ATP2B4: variants seen among roughly 807,000 people sequenced by gnomAD.
ATP2B4 encodes plasma membrane calcium-transporting ATPase 4.
A neutral mutation model predicts 110.3 loss-of-function variants in ATP2B4; 39 were observed. The ratio of observed to expected loss-of-function variants is 0.35; its 90% CI spans 0.27 to 0.46. The LOEUF is 0.46. Among genes scored for constraint, ATP2B4 ranks in the 20% least tolerant of loss-of-function variants. ATP2B4 has a pLI of 1.00. For missense variants in ATP2B4, 1,135 were observed against 1,530.9 expected, an observed-to-expected ratio of 0.74 and a Z score of 4.32; for synonymous variants, 538 against 571.7, an observed-to-expected ratio of 0.94 and a Z score of 0.84.
At chr1:203,732,174 AAAGG>A (rs1165514114) in intron 20 of ATP2B4, among the ~76,000 whole-genome samples, 6 of 151,364 alleles carry the variant, frequency 4.0e-5, no homozygotes, top group Admixed American at 1.3e-4. Flanking sequence ...AAAAAAAAAA[AAAGG>A]AAGGAAGGAA....
At chr1:203,653,985 A>ATATATATATAT (rs1426863910) in intron 1 of ATP2B4, among the ~76,000 whole-genome samples, 6 of 112,428 alleles carry the variant, frequency 5.3e-5, no homozygotes, top group African/African-American at 2.3e-4. Context: ...ATATATATAT[A>ATATATATATAT]TTTTTTTTTT....
At chr1:203,679,204 G>A (rs1171972497) in intron 1 of ATP2B4, among the ~76,000 whole-genome samples, 1 of 152,146 alleles carries the variant, frequency 6.6e-6, no homozygotes, top group African/African-American at 2.4e-5. Flanking sequence ...CTGAGGTGGT[G>A]TGAGCACCTT....
intron 2 of ATP2B4, among the ~76,000 whole-genome samples, chr1:203,693,825 G>C (rs1193238121): frequency 4.6e-5 from 7 of 152,222 alleles, no homozygotes; most frequent in Admixed American, 1.3e-4. Flanking sequence ...GCCCGGGACT[G>C]AGCGGGGTTC....
rs1468051225 is a variant in ATP2B4 at position 203,740,034 on chromosome 1, C to A, written c.*180C>A. 5.6e-6 allele frequency: 4 copies of A among 719,414 alleles called. No individual in the cohort carries two copies. The highest frequency in any genetic ancestry group is 8.8e-6 in the Non-Finnish European group (4 of 453,366). 44.6% of individuals were successfully genotyped at this position (719,414 alleles called of 1,614,324 possible). A position where few individuals can be genotyped will look rare whatever the true frequency, so the allele number is the denominator to read the frequency against. On this transcript the variant is annotated 3_prime_UTR_variant, in exon 21 of 21. Transcript: ENST00000357681. Reference sequence around the variant, plus strand: ...GAGCACAGACTTACAAGGATTTCAACTTAAGCTTGACTTGGGGTTTGTAGC... The same window carrying A: ...GAGCACAGACTTACAAGGATTTCAAATTAAGCTTGACTTGGGGTTTGTAGC...
chr1:203,666,419 A>C (rs1664505402), intron 1 of ATP2B4, among the ~76,000 whole-genome samples: 1 of 152,216 alleles, frequency 6.6e-6, no homozygotes. Flanking sequence ...TTCTGGAAAC[A>C]GCACCTCCAC....
intron 7 of ATP2B4, among the ~76,000 whole-genome samples, chr1:203,703,325 T>C (rs1665751049): frequency 6.6e-6 from 1 of 152,176 alleles, no homozygotes; most frequent in Non-Finnish European, 1.5e-5. Flanking sequence ...GTTTTAATAG[T>C]GCTTAGTGAC....
intron 11 of ATP2B4, among the ~76,000 whole-genome samples, chr1:203,710,369 C>CA (rs1004124095): frequency 7.9e-4 from 109 of 138,190 alleles, no homozygotes; most frequent in Middle Eastern, 3.6e-3. Context: ...GACTCCATTA[C>CA]AAAAAAAAAA....
intron 14 of ATP2B4, among the ~76,000 whole-genome samples, chr1:203,713,916 G>C (rs556552722): frequency 6.6e-6 from 1 of 152,180 alleles, no homozygotes; most frequent in Non-Finnish European, 1.5e-5. Flanking sequence ...CGTGGAAATG[G>C]TGCAGTTTGA....
At chr1:203,642,386 A>G (rs1663661005) in intron 1 of ATP2B4, among the ~76,000 whole-genome samples, 2 of 152,198 alleles carry the variant, frequency 1.3e-5, no homozygotes, top group Non-Finnish European at 2.9e-5. Flanking sequence ...ACCTGGCCTC[A>G]CAGTCTGCTT....
chr1:203,729,628 T>G, intron 20 of ATP2B4: 1 of 901,380 alleles, frequency 1.1e-6, no homozygotes, highest in South Asian at 1.3e-5. Flanking sequence ...GTGCTTTTTC[T>G]GTCTGCCAGA....
intron 1 of ATP2B4, among the ~76,000 whole-genome samples, chr1:203,640,747 C>T (rs1332838573): frequency 1.3e-5 from 2 of 152,096 alleles, no homozygotes; most frequent in African/African-American, 4.8e-5. Context: ...ACAGTGAGGT[C>T]GATATTAGCA....
chr1:203,658,903 C>G (rs1402005321), intron 1 of ATP2B4, among the ~76,000 whole-genome samples: 1 of 151,886 alleles, frequency 6.6e-6, no homozygotes, highest in East Asian at 1.9e-4. Context: ...ACTGAGGAGG[C>G]TGAGGCAGGA....
Position 203,699,462 on chromosome 1 carries a change from T to C in ATP2B4, c.394T>C (p.Cys132Arg), listed in dbSNP as rs765729661. The C allele has an allele frequency of 1.2e-6, 2 of 1,614,026 alleles. No individual in the cohort carries two copies. Among genetic ancestry groups the C allele is most frequent in the Non-Finnish European group, 1.7e-6 (2 of 1,180,014 alleles). The part of the protein sequence containing the change: ...YRPAGEENEL[C>R]GQVATTPEDE... ...ATTTCTCTCCCTTCCTGGGATAGTG[T>C]GTGGTCAAGTCGCAACTACCCCAGA... is the stretch of plus-strand genomic sequence containing the variant. The change falls in exon 4 of 21, where the codon TGT (cysteine) becomes CGT (arginine). Residue 132 changes from cysteine to arginine, a missense_variant and splice_region_variant. Cys to Arg is a radical substitution (Grantham distance 180). Coordinates refer to ENST00000357681, the MANE Select transcript of ATP2B4 (RefSeq NM_001684.5).
intron 1 of ATP2B4, among the ~76,000 whole-genome samples, chr1:203,646,694 C>T (rs1016727512): frequency 2.3e-4 from 35 of 152,034 alleles, no homozygotes; most frequent in African/African-American, 6.7e-4. Context: ...ACCTGGGAGG[C>T]GGAGGTTACA....
Position 203,626,980 on chromosome 1 carries a change from C to T in ATP2B4, c.-704C>T, listed in dbSNP as rs554034325. 6.6e-6 allele frequency: 1 copy of T among 152,490 alleles called. No homozygotes were observed. The highest frequency in any genetic ancestry group is 1.5e-5 in the Non-Finnish European group (1 of 68,114). The allele number at this position is 152,490 out of a possible 1,614,324, so 9.4% of individuals were successfully genotyped here. A position where few individuals can be genotyped will look rare whatever the true frequency, so the allele number is the denominator to read the frequency against. Reference sequence around the variant, plus strand: ...AGCAAGATCAGAGACACCCGCCCAGCTCTCCTGCACCCTTTTTCTTTCAGG... The same window carrying T: ...AGCAAGATCAGAGACACCCGCCCAGTTCTCCTGCACCCTTTTTCTTTCAGG... On this transcript the variant is annotated 5_prime_UTR_variant, in exon 1 of 21. Coordinates refer to ENST00000357681, the MANE Select transcript of ATP2B4 (RefSeq NM_001684.5).
chr1:203,682,033 A>AG (rs397955667), intron 1 of ATP2B4, among the ~76,000 whole-genome samples: 1 of 5,898 alleles, frequency 1.7e-4, no homozygotes, highest in Non-Finnish European at 1.1e-3. Context: ...GCTTAGCCTC[A>AG]GAACAAAACT....
rs532103160 is a variant in ATP2B4, at chr1:203,698,140, T to G, written c.194-17T>G. On this transcript the variant is annotated splice_polypyrimidine_tract_variant and intron_variant, in intron 2 of 20. Transcript: ENST00000357681. ...TTTTTTCCTACATTCATTCATCCACTCCTATCTCCTTTTCAGGTCTGTCTG... is the reference window on the plus strand; with the variant it reads ...TTTTTTCCTACATTCATTCATCCACGCCTATCTCCTTTTCAGGTCTGTCTG... The G allele has an allele frequency of 1.9e-6, 3 of 1,613,606 alleles. No homozygotes were observed. Among genetic ancestry groups the G allele is most frequent in the Non-Finnish European group, 2.5e-6 (3 of 1,179,632 alleles).
chr1:203,710,775 G>A (rs1665982791), intron 11 of ATP2B4, 102 bp from the exon 12 acceptor site: 1 of 909,638 alleles, frequency 1.1e-6, no homozygotes, highest in East Asian at 2.7e-5. Flanking sequence ...TTGGAGCAAT[G>A]TCTTTAGGAA....
chr1:203,680,060 CAAAA>C (rs71145014), intron 1 of ATP2B4, among the ~76,000 whole-genome samples: 2,028 of 120,586 alleles, frequency 0.017, 31 homozygotes, highest in South Asian at 0.047. Context: ...GACTCTTTCT[CAAAA>C]AAAAAAAAAA....
Sources: allele counts gnomAD v4.1 joint callset (sites outside exome capture counted in the v4.1 genomes callset), GRCh38; gene constraint gnomAD v4.1.1; transcripts MANE v1.5; gene names NCBI Gene and HGNC (gene_info 2026-07-23, HGNC 2026-07-21).